MRTO4: variants seen among roughly 807,000 people sequenced by gnomAD.
MRTO4 encodes the protein MRT4 homolog, ribosome maturation factor.
A neutral mutation model predicts 28.6 loss-of-function variants in MRTO4; 7 were observed. The ratio of observed to expected loss-of-function variants is 0.24; its 90% CI spans 0.14 to 0.46. MRTO4 has a LOEUF of 0.46. Among genes scored for constraint, MRTO4 ranks in the 20% least tolerant of loss-of-function variants. The pLI, the probability that MRTO4 is intolerant of heterozygous loss-of-function variation, is 0.99. For missense variants in MRTO4, 302 were observed against 298.3 expected (o/e 1.01, Z -0.09); for synonymous variants, 113 against 108.2 (o/e 1.04, Z -0.27).
In MRTO4 at chr1:19,259,068, C is replaced by G; in HGVS notation, c.*238C>G. 2.4e-6 allele frequency: 1 copy of G among 410,020 alleles called. No homozygotes were observed. Among genetic ancestry groups the G allele is most frequent in the Non-Finnish European group, 4.4e-6 (1 of 229,786 alleles). The allele number at this position is 410,020 out of a possible 1,614,324, so 25.4% of individuals were successfully genotyped here. Reference sequence around the variant, plus strand: ...ATAAGGTCGGGAGATTAAGACCATCCTGGCTAACACGGTGAAACCCCGTCT... The same window carrying G: ...ATAAGGTCGGGAGATTAAGACCATCGTGGCTAACACGGTGAAACCCCGTCT... On this transcript the variant is annotated 3_prime_UTR_variant, in exon 8 of 8. Transcript: ENST00000330263.
chr1:19,257,596 C>T (rs1442122326), intron 5 of MRTO4, 75 bp downstream of exon 5: 12 of 1,569,912 alleles, frequency 7.6e-6, no homozygotes, highest in East Asian at 2.2e-5. Context: ...GCAGGAACTT[C>T]GTTCCATATG....
rs557311316 is a variant in MRTO4 at position 19,258,204 on chromosome 1, TA to T, written c.493+233del. Among the ~76,000 whole-genome samples, 1,097 of 145,216 alleles carry T rather than the reference TA, an allele frequency of 7.6e-3. 6 individuals carry two copies. The highest frequency in any genetic ancestry group is 0.018 in the African/African-American group (736 of 39,858). ...GCCCATCAGGGGCCTTGCGCTTGTT[TA>T]AAAAAAAAAAAAGTCAAAAAATTAG... On this transcript the variant is annotated intron_variant, in intron 6 of 7. Coordinates refer to ENST00000330263, the MANE Select transcript of MRTO4 (RefSeq NM_016183.4).
At position 19,254,962 on chromosome 1, in the gene MRTO4, C is replaced by T. The variant is rs1387046434; in HGVS notation, c.87+122C>T. On this transcript the variant is annotated intron_variant, in intron 2 of 7. Coordinates refer to ENST00000330263, the MANE Select transcript of MRTO4 (RefSeq NM_016183.4). Reference sequence around the variant, plus strand: ...ATACTAGTGGGGAAAAAAAAAAAATCTCCAAGCTGCCAATCCAGGCCTTTT... The same window carrying T: ...ATACTAGTGGGGAAAAAAAAAAAATTTCCAAGCTGCCAATCCAGGCCTTTT... The T allele has an allele frequency of 1.3e-5, 10 of 769,020 alleles. No individual in the cohort carries two copies. The Admixed American group carries it at 3.0e-4, about 23-fold the overall frequency. 47.6% of individuals were successfully genotyped at this position (769,020 alleles called of 1,614,324 possible).
Position 19,251,813 on chromosome 1 carries a change from C to T in MRTO4, c.-23C>T, listed in dbSNP as rs978615462. On this transcript the variant is annotated 5_prime_UTR_variant, in exon 1 of 8. Transcript: ENST00000330263. ...GGGTCCTAACGGGGTGCACCGTCTT[C>T]CGCCGCACGTGGATTCAGCGCGATG... is the stretch of plus-strand genomic sequence containing the variant. The T allele has an allele frequency of 2.0e-5, 31 of 1,566,146 alleles. No individual in the cohort carries two copies. The highest frequency in any genetic ancestry group is 1.2e-4 in the South Asian group (10 of 85,232).
Position 19,258,851 on chromosome 1 carries a change from T to A in MRTO4, c.*21T>A, listed in dbSNP as rs756848272. ...ACTGAAAGGGACTCGGGACTGAAGG[T>A]CTCCTGGAAGCTTCTGGGTCTCACT... On this transcript the variant is annotated 3_prime_UTR_variant, in exon 8 of 8. Coordinates refer to ENST00000330263, the MANE Select transcript of MRTO4 (RefSeq NM_016183.4). 3 of 1,610,600 alleles carry A rather than the reference T, an allele frequency of 1.9e-6. No individual in the cohort carries two copies. Among genetic ancestry groups the A allele is most frequent in the Non-Finnish European group, 2.5e-6 (3 of 1,178,414 alleles).
At chr1:19,257,714 A>C in intron 5 of MRTO4, 119 bp from the exon 6 acceptor site, 2 of 1,430,102 alleles carry the variant, frequency 1.4e-6, no homozygotes, top group Non-Finnish European at 9.6e-7. Flanking sequence ...GCTGCTGGCC[A>C]GCAGCCAAGG....
At position 19,257,878 on chromosome 1, in the gene MRTO4, C is replaced by T; in HGVS notation, c.387C>T (p.Asn129=). 1 of 1,614,016 alleles carries T rather than the reference C, an allele frequency of 6.2e-7. No individual in the cohort carries two copies. The highest frequency in any genetic ancestry group is 1.3e-5 in the African/African-American group (1 of 75,036). The stretch of plus-strand genomic sequence containing the variant: ...AAATGGACTACGCCCGAGCTGGTAA[C>T]AAAGCAGCTTTCACTGTGAGCCTGG... The part of the protein sequence containing the change: ...YTEMDYARAG[N]KAAFTVSLDP... Residue 129 remains asparagine, a synonymous_variant, in exon 6 of 8, where the codon AAC becomes AAT. Transcript: ENST00000330263.
At chr1:19,252,823 TTTTG>T (rs899315821) in intron 1 of MRTO4, among the ~76,000 whole-genome samples, 18 of 152,304 alleles carry the variant, frequency 1.2e-4, no homozygotes, top group Non-Finnish European at 2.4e-4. Flanking sequence ...GCTAGGTTTT[TTTTG>T]TTTATTTTTT....
intron 3 of MRTO4, among the ~76,000 whole-genome samples, chr1:19,256,842 G>A (rs955557101): frequency 6.6e-6 from 1 of 152,178 alleles, no homozygotes; most frequent in African/African-American, 2.4e-5. Context: ...GCTCGTGATG[G>A]GCTGGGAGAC....
rs774128439 is a variant in MRTO4 at position 19,256,002 on chromosome 1, A to G, written c.142A>G (p.Met48Val). ...KYLFIFSVAN[M>V]RNSKLKDIRN... ...CCTTTTCATCTTCTCTGTGGCCAAC[A>G]TGAGGAACAGCAAGCTGAAGGACAT... Residue 48 changes from methionine to valine, a missense_variant, in exon 3 of 8, where the codon ATG becomes GTG. By Grantham distance (21) the Met-to-Val change is conservative. Coordinates refer to ENST00000330263, the MANE Select transcript of MRTO4 (RefSeq NM_016183.4). 1.9e-6 allele frequency: 3 copies of G among 1,614,020 alleles called. No homozygotes were observed. Among genetic ancestry groups the G allele is most frequent in the Admixed American group, 1.7e-5 (1 of 59,988 alleles).
At chr1:19,255,440 G>A (rs947532) in intron 2 of MRTO4, among the ~76,000 whole-genome samples, 8 of 151,172 alleles carry the variant, frequency 5.3e-5, no homozygotes. Flanking sequence ...TTTACCAGGT[G>A]TAGGTGACTG....
At chr1:19,251,911 C>G in intron 1 of MRTO4, 48 bp downstream of exon 1, 1 of 1,566,730 alleles carries the variant, frequency 6.4e-7, no homozygotes, top group South Asian at 1.2e-5. Context: ...CGTGGGCTGG[C>G]TACCCAGCCT....
intron 5 of MRTO4, 56 bp from the exon 6 acceptor site, chr1:19,257,777 A>G: frequency 6.3e-7 from 1 of 1,594,932 alleles, no homozygotes; most frequent in Non-Finnish European, 8.6e-7. Context: ...AGCCTGACTC[A>G]TGGGCTGGTG....
At chr1:19,253,690 C>CT (rs1390914445) in intron 1 of MRTO4, among the ~76,000 whole-genome samples, 1 of 152,214 alleles carries the variant, frequency 6.6e-6, no homozygotes, top group Non-Finnish European at 1.5e-5. Context: ...CTCTGCTCCA[C>CT]TTACCATTGA....
chr1:19,253,522 C>T (rs1569593462), intron 1 of MRTO4, among the ~76,000 whole-genome samples: 1 of 152,236 alleles, frequency 6.6e-6, no homozygotes, highest in East Asian at 1.9e-4. Flanking sequence ...AAGGGTCACT[C>T]TGGTTGCCTT....
At chr1:19,253,115 A>G (rs1047858216) in intron 1 of MRTO4, among the ~76,000 whole-genome samples, 8 of 152,268 alleles carry the variant, frequency 5.3e-5, no homozygotes, top group African/African-American at 9.6e-5. Context: ...TAGGAGAAAC[A>G]TATTCCGCAA....
intron 6 of MRTO4, 128 bp downstream of exon 6, chr1:19,258,112 A>T: frequency 3.2e-6 from 4 of 1,251,916 alleles, no homozygotes; most frequent in Non-Finnish European, 4.3e-6. Flanking sequence ...AAATGGGGCT[A>T]AGAGTGCATG....
At chr1:19,256,892 A>G (rs2093672220) in intron 3 of MRTO4, among the ~76,000 whole-genome samples, 172 bp from the exon 4 acceptor site, 1 of 152,182 alleles carries the variant, frequency 6.6e-6, no homozygotes, top group African/African-American at 2.4e-5. Flanking sequence ...TGGGAACATA[A>G]TGAAAGGGAC....
chr1:19,257,571 C>G (rs1299758636), intron 5 of MRTO4, 50 bp downstream of exon 5: 1 of 1,602,614 alleles, frequency 6.2e-7, no homozygotes, highest in Non-Finnish European at 8.5e-7. Context: ...GAGGGGATTT[C>G]AGGGAGGGAA....
Sources: gnomAD v4.1 joint callset for allele counts (sites outside exome capture counted in the v4.1 genomes callset) on GRCh38, gnomAD v4.1.1 for gene constraint, MANE v1.5 for transcripts, NCBI Gene and HGNC (gene_info 2026-07-23, HGNC 2026-07-21) for gene names.